ARB2A: variants seen among roughly 807,000 people sequenced by gnomAD.
The protein encoded by ARB2A is ARB2 cotranscriptional regulator A, also known as cotranscriptional regulator ARB2A.
chr5:93,740,142 C>T, the ARB2A span: 1 of 154,848 alleles, frequency 6.5e-6, no homozygotes, highest in Non-Finnish European at 1.4e-5. Flanking sequence ...TTTGTGTTTA[C>T]ACAGAGTTCT....
chr5:93,765,879 T>C, the ARB2A span, among the ~76,000 whole-genome samples: 2 of 152,082 alleles, frequency 1.3e-5, no homozygotes, highest in Non-Finnish European at 2.9e-5. Context: ...TATGAAATAA[T>C]GCTGCATATC....
At chr5:93,633,781 T>A in the ARB2A span, among the ~76,000 whole-genome samples, 1 of 152,178 alleles carries the variant, frequency 6.6e-6, no homozygotes, top group African/African-American at 2.4e-5. Context: ...ACTTTACTCA[T>A]CTTCAACATA....
the ARB2A span, among the ~76,000 whole-genome samples, chr5:93,967,425 A>G: frequency 6.6e-6 from 1 of 152,288 alleles, no homozygotes; most frequent in South Asian, 2.1e-4. Context: ...GTGAGGCCAC[A>G]GAGCAAACTG....
At chr5:93,945,786 C>A in the ARB2A span, among the ~76,000 whole-genome samples, 15,858 of 152,056 alleles carry the variant, frequency 0.1, 954 homozygotes, top group Middle Eastern at 0.16. Flanking sequence ...AATGGAAAGA[C>A]ATCACCAAGT....
At chr5:94,084,596 C>T in the ARB2A span, among the ~76,000 whole-genome samples, 1 of 152,070 alleles carries the variant, frequency 6.6e-6, no homozygotes, top group African/African-American at 2.4e-5. Flanking sequence ...TAAGACACTC[C>T]TAAAGAATGT....
the ARB2A span, among the ~76,000 whole-genome samples, chr5:93,839,205 G>A: frequency 6.6e-6 from 1 of 152,122 alleles, no homozygotes; most frequent in Non-Finnish European, 1.5e-5. Context: ...TTACTTTGAA[G>A]TATGTTCCTT....
chr5:93,985,997 C>T, the ARB2A span, among the ~76,000 whole-genome samples: 1 of 151,516 alleles, frequency 6.6e-6, no homozygotes, highest in Non-Finnish European at 1.5e-5. Flanking sequence ...TGCCTGGCCG[C>T]CTATCGTCTG....
chr5:94,110,205 A>T, the ARB2A span, among the ~76,000 whole-genome samples: 2 of 151,980 alleles, frequency 1.3e-5, no homozygotes, highest in African/African-American at 4.8e-5. Context: ...CCTCTTAATC[A>T]CTACTTGTTA....
At chr5:94,064,345 T>C in the ARB2A span, among the ~76,000 whole-genome samples, 3 of 152,138 alleles carry the variant, frequency 2.0e-5, no homozygotes, top group African/African-American at 7.2e-5. Flanking sequence ...ATGTGATATA[T>C]GGAATACCAT....
At chr5:93,807,546 T>A in the ARB2A span, among the ~76,000 whole-genome samples, 2 of 151,968 alleles carry the variant, frequency 1.3e-5, no homozygotes, top group Non-Finnish European at 2.9e-5. Flanking sequence ...AAGCAATGCA[T>A]GTCCCACTGA....
chr5:93,883,938 C>CAA, the ARB2A span, among the ~76,000 whole-genome samples: 1 of 150,484 alleles, frequency 6.6e-6, no homozygotes, highest in South Asian at 2.1e-4. Context: ...CACACACACA[C>CAA]ACACACACAC....
At chr5:93,980,921 T>C in the ARB2A span, among the ~76,000 whole-genome samples, 59 of 152,290 alleles carry the variant, frequency 3.9e-4, no homozygotes, top group African/African-American at 1.4e-3. Flanking sequence ...ATTATAGTCA[T>C]ATTTTTAAAA....
the ARB2A span, among the ~76,000 whole-genome samples, chr5:93,627,746 TG>T: frequency 1.1e-4 from 16 of 152,108 alleles, no homozygotes; most frequent in South Asian, 3.1e-3. Context: ...AGCCACAAAA[TG>T]TATTTCTTAA....
At chr5:93,860,127 T>C in the ARB2A span, among the ~76,000 whole-genome samples, 1,708 of 152,214 alleles carry the variant, frequency 0.011, 30 homozygotes, top group African/African-American at 0.04. Context: ...ACCCCGTCTC[T>C]ACTAAAAATA....
chr5:93,830,314 T>TGTGTGTGG, the ARB2A span, among the ~76,000 whole-genome samples: 1 of 53,130 alleles, frequency 1.9e-5, no homozygotes, highest in African/African-American at 9.2e-5. Context: ...TGTGTGTGTA[T>TGTGTGTGG]ATATATATAT....
At chr5:93,719,639 C>G in the ARB2A span, among the ~76,000 whole-genome samples, 1 of 152,166 alleles carries the variant, frequency 6.6e-6, no homozygotes, top group Non-Finnish European at 1.5e-5. Flanking sequence ...CTGATTCTCC[C>G]TTTCTTATCT....
chr5:94,074,264 T>C, the ARB2A span, among the ~76,000 whole-genome samples: 4 of 152,234 alleles, frequency 2.6e-5, no homozygotes, highest in South Asian at 8.3e-4. Context: ...ATATCAGTAA[T>C]GCCAATGCCA....
the ARB2A span, among the ~76,000 whole-genome samples, chr5:93,948,686 A>G: frequency 6.6e-6 from 1 of 152,166 alleles, no homozygotes; most frequent in Non-Finnish European, 1.5e-5. Flanking sequence ...TAATTTTTGT[A>G]TAAGGTGTAA....
At chr5:93,716,164 G>T in the ARB2A span, among the ~76,000 whole-genome samples, 1 of 152,140 alleles carries the variant, frequency 6.6e-6, no homozygotes, top group East Asian at 1.9e-4. Flanking sequence ...CTACTTCAGA[G>T]ACCCTCTACA....
Sources: gnomAD v4.1 joint callset for allele counts (sites outside exome capture counted in the v4.1 genomes callset) on GRCh38, gnomAD v4.1.1 for gene constraint, MANE v1.5 for transcripts, NCBI Gene and HGNC (gene_info 2026-07-23, HGNC 2026-07-21) for gene names.